CTXND1: variants seen among roughly 807,000 people sequenced by gnomAD.
The protein encoded by CTXND1 is cortexin domain containing 1, also known as cortexin domain-containing 1 protein.
chr15:80,223,753 G>A (rs540745876), intron 1 of CTXND1, among the ~76,000 whole-genome samples: 2 of 150,436 alleles, frequency 1.3e-5, no homozygotes, highest in African/African-American at 2.4e-5. Context: ...GGGGTAGATT[G>A]TGGTTTTTAT....
chr15:80,205,017 A>G (rs1039738699), intron 1 of CTXND1, among the ~76,000 whole-genome samples: 2 of 152,212 alleles, frequency 1.3e-5, no homozygotes, highest in African/African-American at 4.8e-5. Context: ...TCAGGTCTTT[A>G]TACATCCTTC....
intron 1 of CTXND1, among the ~76,000 whole-genome samples, chr15:80,233,860 A>G (rs1893460791): frequency 6.6e-6 from 1 of 152,192 alleles, no homozygotes; most frequent in African/African-American, 2.4e-5. Flanking sequence ...AAGACATTTA[A>G]CAGGACAGAT....
At chr15:80,240,514 C>A (rs536356934) in intron 1 of CTXND1, among the ~76,000 whole-genome samples, 1 of 152,304 alleles carries the variant, frequency 6.6e-6, no homozygotes, top group African/African-American at 2.4e-5. Context: ...AACACTCCCC[C>A]CCCACCACCC....
intron 1 of CTXND1, among the ~76,000 whole-genome samples, chr15:80,215,695 A>C (rs943116173): frequency 6.6e-6 from 1 of 152,124 alleles, no homozygotes. Context: ...GCTGGATTGG[A>C]AACTGTCCTA....
intron 1 of CTXND1, among the ~76,000 whole-genome samples, chr15:80,237,802 A>G (rs1194254526): frequency 2.0e-5 from 3 of 152,124 alleles, no homozygotes; most frequent in Admixed American, 2.0e-4. Context: ...TGAGGTCAGG[A>G]GTTCGAGACC....
intron 1 of CTXND1, among the ~76,000 whole-genome samples, chr15:80,246,628 A>C (rs1893633564): frequency 1.1e-5 from 1 of 91,168 alleles, no homozygotes; most frequent in Non-Finnish European, 2.3e-5. Context: ...AGGCAGAATG[A>C]ACTGTGGACT....
At chr15:80,248,475 A>G (rs1893659154) in intron 1 of CTXND1, among the ~76,000 whole-genome samples, 1 of 152,168 alleles carries the variant, frequency 6.6e-6, no homozygotes, top group Non-Finnish European at 1.5e-5. Context: ...AAAACTCCTC[A>G]ATCTCTCCCC....
In CTXND1 at chr15:80,238,738, G is replaced by C. The variant is rs151152528; in HGVS notation, c.-218+13269C>G. ...GATCCACCCGCCTTGGCCTCCCAAA[G>C]TGCTGGGATTACAGGCGTGAGCCAC... On this transcript the variant is annotated intron_variant, in intron 1 of 2. Transcript: ENST00000560778. 0.026 allele frequency among the ~76,000 whole-genome samples: 3,884 copies of C among 152,226 alleles called. 333 individuals are homozygous for C. The East Asian group carries it at 0.27, about 11-fold the overall frequency.
At chr15:80,240,422 G>A (rs1282905542) in intron 1 of CTXND1, among the ~76,000 whole-genome samples, 2 of 152,134 alleles carry the variant, frequency 1.3e-5, no homozygotes, top group East Asian at 3.8e-4. Context: ...TTGGAACATG[G>A]CGTAGGTCCC....
intron 1 of CTXND1, among the ~76,000 whole-genome samples, chr15:80,242,142 A>T (rs1354574195): frequency 6.6e-6 from 1 of 152,156 alleles, no homozygotes; most frequent in Non-Finnish European, 1.5e-5. Context: ...CCTAAGAGAG[A>T]CAGAGAGGCT....
At chr15:80,227,717 TGCTACTGATCATCTGAGGCTTCAGG>T (rs1893387977) in intron 1 of CTXND1, among the ~76,000 whole-genome samples, 2 of 152,222 alleles carry the variant, frequency 1.3e-5, no homozygotes, top group Admixed American at 1.3e-4. Context: ...TGCTAAAAAA[TGCTACTGATCATCTGAGGCTTCAGG>T]AAGTTGTAAT....
intron 1 of CTXND1, among the ~76,000 whole-genome samples, chr15:80,207,866 T>C (rs56087511): frequency 0.16 from 24,376 of 152,260 alleles, 2,078 homozygotes; most frequent in East Asian, 0.3. Context: ...GGATGTTTAC[T>C]TGAGCTGTTC....
intron 1 of CTXND1, among the ~76,000 whole-genome samples, chr15:80,229,090 A>G (rs1013695044): frequency 2.6e-5 from 4 of 152,146 alleles, no homozygotes; most frequent in Admixed American, 6.5e-5. Flanking sequence ...AGGACACTCA[A>G]CCTACATTTT....
chr15:80,245,370 C>T (rs1043799284), intron 1 of CTXND1, among the ~76,000 whole-genome samples: 1 of 152,180 alleles, frequency 6.6e-6, no homozygotes, highest in Non-Finnish European at 1.5e-5. Flanking sequence ...AAATCACTAA[C>T]AATCATTTAT....
intron 1 of CTXND1, among the ~76,000 whole-genome samples, chr15:80,226,172 G>C (rs1460432494): frequency 8.5e-5 from 13 of 152,220 alleles, no homozygotes. Flanking sequence ...CAATTGTCCA[G>C]TTGTAGTCAG....
intron 1 of CTXND1, among the ~76,000 whole-genome samples, chr15:80,238,844 G>A (rs114870138): frequency 0.01 from 1,535 of 152,254 alleles, 26 homozygotes; most frequent in African/African-American, 0.035. Context: ...ATAACATACC[G>A]CCCAGGCCTG....
intron 1 of CTXND1, among the ~76,000 whole-genome samples, chr15:80,236,608 C>T (rs76091676): frequency 0.016 from 2,461 of 152,116 alleles, 57 homozygotes; most frequent in African/African-American, 0.05. Context: ...CATGGTGGAA[C>T]GCCATCTCTA....
intron 1 of CTXND1, among the ~76,000 whole-genome samples, chr15:80,243,304 A>G (rs1893591261): frequency 1.3e-5 from 2 of 152,226 alleles, no homozygotes; most frequent in Non-Finnish European, 2.9e-5. Flanking sequence ...TAAGCTGTAC[A>G]TTAGGCAGTG....
In CTXND1 at chr15:80,228,887, G is replaced by A. The variant is rs527249619; in HGVS notation, c.-218+23120C>T. Among the ~76,000 whole-genome samples the A allele has an allele frequency of 5.3e-5, 8 of 152,014 alleles. No individual in the cohort carries two copies. The South Asian group carries it at 1.7e-3, about 32-fold the overall frequency. ...TCGTGATCCACCTGCCTCGGCCCCC[G>A]AAAGTGCTGGGATTACAGGCGTGAG... On this transcript the variant is annotated intron_variant, in intron 1 of 2. Coordinates refer to ENST00000560778, the MANE Select transcript of CTXND1 (RefSeq NM_001352888.2).
Sources: gnomAD v4.1 joint callset for allele counts (sites outside exome capture counted in the v4.1 genomes callset) on GRCh38, gnomAD v4.1.1 for gene constraint, MANE v1.5 for transcripts, NCBI Gene and HGNC (gene_info 2026-07-23, HGNC 2026-07-21) for gene names.